SGCD: variants seen among roughly 807,000 people sequenced by gnomAD.
The protein encoded by SGCD is sarcoglycan delta, also known as delta-sarcoglycan.
A neutral mutation model predicts 36.6 loss-of-function variants in SGCD; 18 were observed. The observed-to-expected ratio is 0.49, with a 90% CI of 0.34 to 0.73. The LOEUF (loss-of-function observed/expected upper bound fraction) is 0.73, where lower values mean the gene tolerates loss of function less well. SGCD is among the 30% of genes least tolerant of loss of function. The pLI is 0.01. For synonymous variants in SGCD, 133 were observed against 130.6 expected (o/e 1.02, Z -0.12); for missense variants, 387 against 346.7 (o/e 1.12, Z -0.92).
intron 7 of SGCD, among the ~76,000 whole-genome samples, chr5:156,709,709 G>A (rs1389318686): frequency 1.3e-5 from 2 of 152,088 alleles, no homozygotes; most frequent in East Asian, 1.9e-4. Context: ...TGACCCATTA[G>A]TAATATTGCC....
At chr5:156,287,244 C>T (rs183806292) in intron 3 of SGCD, among the ~76,000 whole-genome samples, 1 of 152,112 alleles carries the variant, frequency 6.6e-6, no homozygotes, top group Non-Finnish European at 1.5e-5. Context: ...ATCTCATACT[C>T]CACTCATAGG....
chr5:156,061,668 C>A lies in SGCD; in HGVS notation c.-281-56210C>A, dbSNP rs1430577477. Among the ~76,000 whole-genome samples, 6 of 145,830 alleles carry A rather than the reference C, an allele frequency of 4.1e-5. 1 individual carries two copies. Among genetic ancestry groups the A allele is most frequent in the Non-Finnish European group, 7.7e-5 (5 of 64,708 alleles). ...GCCAGGTGTTAGTGGAAGGACAATG[C>A]ACAATTGTTGTTAATTAGGAAGAAA... On this transcript the variant is annotated intron_variant, in intron 1 of 9. Coordinates refer to the SGCD transcript ENST00000517913.
At chr5:156,402,980 C>A (rs1772232759) in intron 3 of SGCD, among the ~76,000 whole-genome samples, 1 of 152,130 alleles carries the variant, frequency 6.6e-6, no homozygotes, top group Admixed American at 6.6e-5. Flanking sequence ...GCAGTTATAC[C>A]ATTTGATAGC....
chr5:155,960,066 G>T (rs918060711), intron 1 of SGCD, among the ~76,000 whole-genome samples: 1 of 152,096 alleles, frequency 6.6e-6, no homozygotes, highest in African/African-American at 2.4e-5. Context: ...GATTTCTGTG[G>T]CTCATAGAGT....
chr5:156,293,931 C>T (rs913953618), intron 3 of SGCD, among the ~76,000 whole-genome samples: 1 of 152,132 alleles, frequency 6.6e-6, no homozygotes, highest in Non-Finnish European at 1.5e-5. Flanking sequence ...ATAGTATTGA[C>T]ATCTTAACAA....
chr5:156,038,785 G>A (rs1759560509), intron 1 of SGCD, among the ~76,000 whole-genome samples: 1 of 152,160 alleles, frequency 6.6e-6, no homozygotes, highest in African/African-American at 2.4e-5. Context: ...TCTAGAAAAG[G>A]CGCAGAAGAA....
rs112867744 is a variant in SGCD at position 156,670,220 on chromosome 5, G to T, written c.575+22684G>T. Among the ~76,000 whole-genome samples the T allele has an allele frequency of 3.7e-3, 559 of 152,270 alleles. 7 individuals are homozygous for T. The highest frequency in any genetic ancestry group is 0.012 in the African/African-American group (487 of 41,552). ...ATTGTGCTTTTATCCATGTGGTCAG[G>T]ACGGACATGACATTTTAAAAATAAA... On this transcript the variant is annotated intron_variant, in intron 7 of 8. Transcript: ENST00000337851.
At chr5:156,000,584 A>G (rs1758643270) in intron 1 of SGCD, among the ~76,000 whole-genome samples, 1 of 152,148 alleles carries the variant, frequency 6.6e-6, no homozygotes, top group Non-Finnish European at 1.5e-5. Context: ...TACAAGAAGC[A>G]TAAAATCTGC....
chr5:156,429,576 G>GTT (rs565661518), intron 3 of SGCD, among the ~76,000 whole-genome samples: 1 of 141,604 alleles, frequency 7.1e-6, no homozygotes, highest in African/African-American at 2.6e-5. Context: ...AAATAGTTTG[G>GTT]TTTTTTTTTT....
At chr5:156,749,009 C>G (rs1757050769) in intron 7 of SGCD, among the ~76,000 whole-genome samples, 1 of 152,090 alleles carries the variant, frequency 6.6e-6, no homozygotes, top group Admixed American at 6.6e-5. Flanking sequence ...AGATGATCTG[C>G]CCACCTCAGC....
At chr5:156,024,957 CA>C (rs34607261) in intron 1 of SGCD, among the ~76,000 whole-genome samples, 55,371 of 124,312 alleles carry the variant, frequency 0.45, 10,338 homozygotes, top group East Asian at 0.5. Flanking sequence ...GACTCCATCT[CA>C]AAAAAAAAAA....
At chr5:155,997,996 A>G (rs931944501) in intron 1 of SGCD, among the ~76,000 whole-genome samples, 1 of 152,206 alleles carries the variant, frequency 6.6e-6, no homozygotes, top group Non-Finnish European at 1.5e-5. Flanking sequence ...GAATCCTTAG[A>G]ATATGAGGTT....
chr5:156,023,003 G>C (rs1345447562), intron 1 of SGCD, among the ~76,000 whole-genome samples: 1 of 152,174 alleles, frequency 6.6e-6, no homozygotes, highest in Non-Finnish European at 1.5e-5. Context: ...TAGCACAGTG[G>C]GGAGAGCACA....
intron 7 of SGCD, among the ~76,000 whole-genome samples, chr5:156,680,819 G>T (rs888221043): frequency 6.6e-6 from 1 of 152,186 alleles, no homozygotes; most frequent in African/African-American, 2.4e-5. Context: ...GTATTGCATG[G>T]AGACATGAAA....
the SGCD span, among the ~76,000 whole-genome samples, chr5:155,788,302 A>G: frequency 6.6e-6 from 1 of 152,284 alleles, no homozygotes; most frequent in African/African-American, 2.4e-5. Context: ...AGATCAAGCT[A>G]CTGAAGGATT....
intron 4 of SGCD, among the ~76,000 whole-genome samples, chr5:156,529,800 G>A (rs1215965918): frequency 6.6e-6 from 1 of 152,160 alleles, no homozygotes; most frequent in Non-Finnish European, 1.5e-5. Context: ...GTAACCTTTT[G>A]ATGCAGCACT....
intron 1 of SGCD, among the ~76,000 whole-genome samples, chr5:155,940,006 G>A (rs182146481): frequency 1.1e-4 from 16 of 151,978 alleles, no homozygotes; most frequent in Non-Finnish European, 1.9e-4. Flanking sequence ...GCTAATTTTT[G>A]TATTTTTGTA....
At chr5:155,943,345 T>C (rs979511884) in intron 1 of SGCD, among the ~76,000 whole-genome samples, 4 of 152,186 alleles carry the variant, frequency 2.6e-5, no homozygotes, top group Admixed American at 1.3e-4. Context: ...ATATGTGGAA[T>C]TCTGCTTTAT....
At chr5:156,206,183 T>C (rs1242823192) in intron 3 of SGCD, among the ~76,000 whole-genome samples, 1 of 151,766 alleles carries the variant, frequency 6.6e-6, no homozygotes, top group Non-Finnish European at 1.5e-5. Context: ...TCCAAGTTTT[T>C]CATAAAAATG....
Sources: gnomAD v4.1 joint callset for allele counts (sites outside exome capture counted in the v4.1 genomes callset) on GRCh38, gnomAD v4.1.1 for gene constraint, MANE v1.5 for transcripts, NCBI Gene and HGNC (gene_info 2026-07-23, HGNC 2026-07-21) for gene names.